The following LIN28B variants were observed in gnomAD, a reference collection of about 807,000 sequenced individuals.
LIN28B encodes the protein protein lin-28 homolog B.
A neutral mutation model predicts 21.9 loss-of-function variants in LIN28B; 5 were observed. That is an observed-to-expected ratio of 0.23 (90% confidence interval 0.12 to 0.48). The LOEUF is 0.48. Ranked by LOEUF, LIN28B falls within the 20% of genes least tolerant of loss-of-function variation. The probability of loss-of-function intolerance (pLI) is 0.98; values close to 1 mark genes in which losing one functional copy is unlikely to be tolerated. For missense variants in LIN28B, 245 were observed against 310.5 expected, an observed-to-expected ratio of 0.79 and a Z score of 1.58; for synonymous variants, 109 against 111.3, an observed-to-expected ratio of 0.98 and a Z score of 0.13.
At chr6:104,980,394 G>C (rs905426551) in intron 2 of LIN28B, among the ~76,000 whole-genome samples, 1 of 152,140 alleles carries the variant, frequency 6.6e-6, no homozygotes, top group African/African-American at 2.4e-5. Context: ...AAATGATGCA[G>C]GTGTTAAAAC....
chr6:105,004,789 CAT>C (rs1315610599), intron 2 of LIN28B, among the ~76,000 whole-genome samples: 1 of 152,172 alleles, frequency 6.6e-6, no homozygotes, highest in Non-Finnish European at 1.5e-5. Context: ...TAGCTTCAAA[CAT>C]ATCAGGTCAT....
intron 2 of LIN28B, among the ~76,000 whole-genome samples, chr6:104,958,738 CCCTTTATTATTTCATCGCTG>C (rs1223839821): frequency 6.6e-6 from 1 of 152,158 alleles, no homozygotes; most frequent in Non-Finnish European, 1.5e-5. Flanking sequence ...CACAGTAGCT[CCCTTTATTATTTCATCGCTG>C]CCTGTCCTGT....
chr6:104,988,466 G>T, intron 2 of LIN28B, among the ~76,000 whole-genome samples: 1 of 149,694 alleles, frequency 6.7e-6, no homozygotes, highest in African/African-American at 2.5e-5. Context: ...TTAAACGTTT[G>T]GAAGAGTCTA....
chr6:105,056,320 T>C (rs1414177551), intron 3 of LIN28B, among the ~76,000 whole-genome samples: 1 of 152,092 alleles, frequency 6.6e-6, no homozygotes, highest in Non-Finnish European at 1.5e-5. Context: ...GGGTCATTTG[T>C]TTTCTCTACA....
At chr6:105,004,438 T>C (rs530782294) in intron 2 of LIN28B, among the ~76,000 whole-genome samples, 3 of 152,316 alleles carry the variant, frequency 2.0e-5, no homozygotes, top group South Asian at 2.1e-4. Flanking sequence ...GTGGTCTCTT[T>C]TGGTATTTGG....
chr6:105,033,543 A>T (rs1292970781), intron 3 of LIN28B, among the ~76,000 whole-genome samples: 1 of 152,036 alleles, frequency 6.6e-6, no homozygotes, highest in African/African-American at 2.4e-5. Context: ...CAAGGTAGTA[A>T]ATATTGTGTT....
Position 105,069,554 on chromosome 6 carries a change from G to A in LIN28B, c.384-8860G>A, listed in dbSNP as rs181924648. Among the ~76,000 whole-genome samples, 22 of 150,870 alleles carry A rather than the reference G, an allele frequency of 1.5e-4. No homozygotes were observed. In the East Asian group the frequency reaches 2.2e-3, roughly 15 times the overall value. ...AGACTGGGTAACAAAGTGACAGCCC[G>A]TCTCTACAAAAAATTTAAAAAAAAA... On this transcript the variant is annotated intron_variant, in intron 3 of 3. Transcript: ENST00000345080.
intron 2 of LIN28B, among the ~76,000 whole-genome samples, chr6:104,987,309 A>T (rs993408744): frequency 6.6e-6 from 1 of 152,060 alleles, no homozygotes; most frequent in Admixed American, 6.5e-5. Context: ...TCGCCCTTGC[A>T]TCTTGCAACC....
intron 2 of LIN28B, 55 bp downstream of exon 2, chr6:104,958,341 T>C: frequency 7.3e-7 from 1 of 1,368,210 alleles, no homozygotes; most frequent in Non-Finnish European, 1.0e-6. Flanking sequence ...GAGGAGCTGA[T>C]CGGTAGTTAT....
intron 2 of LIN28B, among the ~76,000 whole-genome samples, chr6:104,965,282 C>G (rs1219790503): frequency 6.6e-6 from 1 of 152,166 alleles, no homozygotes; most frequent in Non-Finnish European, 1.5e-5. Flanking sequence ...GTAATCCCAG[C>G]ACTTTGGGAG....
At chr6:104,997,545 C>G (rs538109868) in intron 2 of LIN28B, among the ~76,000 whole-genome samples, 5 of 150,276 alleles carry the variant, frequency 3.3e-5, no homozygotes, top group African/African-American at 4.9e-5. Context: ...TAACACCCGC[C>G]CCCCCCCGCC....
chr6:104,974,117 T>C (rs2114594730), intron 2 of LIN28B, among the ~76,000 whole-genome samples: 1 of 152,238 alleles, frequency 6.6e-6, no homozygotes, highest in African/African-American at 2.4e-5. Context: ...TTGATATCAA[T>C]AGATGTAGAA....
intron 2 of LIN28B, among the ~76,000 whole-genome samples, chr6:105,007,329 A>G (rs570492820): frequency 6.6e-6 from 1 of 152,306 alleles, no homozygotes; most frequent in South Asian, 2.1e-4. Flanking sequence ...ATTCAAAATA[A>G]TTTATTGAAA....
intron 2 of LIN28B, among the ~76,000 whole-genome samples, chr6:104,982,247 G>A (rs1032313111): frequency 2.6e-5 from 4 of 151,654 alleles, no homozygotes; most frequent in African/African-American, 9.7e-5. Flanking sequence ...CAGGGAGGCA[G>A]AGGTTGCGGT....
At chr6:105,040,731 C>T (rs941385810) in intron 3 of LIN28B, among the ~76,000 whole-genome samples, 2 of 151,864 alleles carry the variant, frequency 1.3e-5, no homozygotes, top group Non-Finnish European at 2.9e-5. Flanking sequence ...AAAAATTGTC[C>T]AGAGCTTTCT....
intron 3 of LIN28B, among the ~76,000 whole-genome samples, chr6:105,068,381 T>A (rs1379358725): frequency 6.6e-6 from 1 of 152,216 alleles, no homozygotes; most frequent in African/African-American, 2.4e-5. Context: ...AGACAATGTG[T>A]CTAGTTAATT....
chr6:104,938,889 C>A (rs117561136), intron 2 of LIN28B, among the ~76,000 whole-genome samples: 22 of 151,374 alleles, frequency 1.5e-4, no homozygotes, highest in Non-Finnish European at 2.2e-4. Context: ...AGTTTGAAAT[C>A]AAAAAAAAGG....
intron 3 of LIN28B, among the ~76,000 whole-genome samples, chr6:105,057,524 T>G (rs892825646): frequency 6.6e-6 from 1 of 152,222 alleles, no homozygotes; most frequent in African/African-American, 2.4e-5. Context: ...TGATTTTTCT[T>G]CCTCTTTCTG....
At chr6:104,990,707 G>A (rs1426318353) in intron 2 of LIN28B, among the ~76,000 whole-genome samples, 2 of 152,052 alleles carry the variant, frequency 1.3e-5, no homozygotes, top group Admixed American at 6.6e-5. Flanking sequence ...AGAGGACCCT[G>A]CGCCTTCTGC....
Sources: allele counts gnomAD v4.1 joint callset (sites outside exome capture counted in the v4.1 genomes callset), GRCh38; gene constraint gnomAD v4.1.1; transcripts MANE v1.5; gene names NCBI Gene and HGNC (gene_info 2026-07-23, HGNC 2026-07-21).